Variants in ADGRL2 observed in about 807,000 individuals in gnomAD.
The protein encoded by ADGRL2 is calcium-independent alpha-latrotoxin receptor 2.
ADGRL2 carries 44 observed loss-of-function variants against 157.4 expected under a neutral mutation model. The ratio of observed to expected loss-of-function variants is 0.28; its 90% CI spans 0.22 to 0.36. The LOEUF (loss-of-function observed/expected upper bound fraction) is 0.36, where lower values mean the gene tolerates loss of function less well. Ranked by LOEUF, ADGRL2 falls within the 10% of genes least tolerant of loss-of-function variation. ADGRL2 has a pLI of 1.00. For missense variants in ADGRL2, 1,510 were observed against 1,768.9 expected (o/e 0.85, Z 2.63); for synonymous variants, 585 against 624.7 (o/e 0.94, Z 0.95).
chr1:81,432,265 A>G (rs2077335007), intron 1 of ADGRL2, among the ~76,000 whole-genome samples: 1 of 152,218 alleles, frequency 6.6e-6, no homozygotes, highest in Non-Finnish European at 1.5e-5. Context: ...ACTGGAAAGT[A>G]AACAATAGGG....
chr1:81,812,736 A>T (rs1162919086), intron 1 of ADGRL2, among the ~76,000 whole-genome samples: 1 of 151,816 alleles, frequency 6.6e-6, no homozygotes, highest in African/African-American at 2.4e-5. Flanking sequence ...GATGAGTTGC[A>T]TATGTGCTTT....
chr1:81,862,754 G>A (rs1252670564), intron 2 of ADGRL2, among the ~76,000 whole-genome samples: 1 of 152,030 alleles, frequency 6.6e-6, no homozygotes, highest in Non-Finnish European at 1.5e-5. Context: ...TACCACTTTC[G>A]CCTCTACCAG....
chr1:81,763,625 C>T (rs1406092244), intron 2 of ADGRL2, among the ~76,000 whole-genome samples: 2 of 151,476 alleles, frequency 1.3e-5, no homozygotes, highest in Non-Finnish European at 2.9e-5. Flanking sequence ...TGGCTCACGC[C>T]TGTAATCCCA....
intron 3 of ADGRL2, among the ~76,000 whole-genome samples, chr1:81,693,510 G>A (rs1459520735): frequency 1.3e-5 from 2 of 152,154 alleles, no homozygotes; most frequent in Admixed American, 1.3e-4. Context: ...TGACTTCCCT[G>A]TCTGTTTAAA....
chr1:81,462,320 T>C (rs1463114896), intron 2 of ADGRL2, among the ~76,000 whole-genome samples: 2 of 152,180 alleles, frequency 1.3e-5, no homozygotes, highest in East Asian at 3.8e-4. Context: ...CCCTTCTATG[T>C]TGTGGAAGGT....
chr1:81,359,490 A>G (rs756373523), intron 1 of ADGRL2, among the ~76,000 whole-genome samples: 4 of 152,034 alleles, frequency 2.6e-5, no homozygotes, highest in Non-Finnish European at 5.9e-5. Context: ...ACTACATATA[A>G]GTAATGCCAA....
intron 3 of ADGRL2, among the ~76,000 whole-genome samples, chr1:81,654,524 T>C (rs555476544): frequency 6.6e-6 from 1 of 152,300 alleles, no homozygotes; most frequent in East Asian, 1.9e-4. Flanking sequence ...TTAAGCTTCT[T>C]ATCACACCAC....
At chr1:81,983,144 A>G (rs3790876) in intron 19 of ADGRL2, among the ~76,000 whole-genome samples, 32,782 of 151,818 alleles carry the variant, frequency 0.22, 4,057 homozygotes, top group East Asian at 0.6. Context: ...GGAGTGAGGT[A>G]GTCATTATTT....
chr1:81,949,179 C>T (rs1369587504), intron 6 of ADGRL2, among the ~76,000 whole-genome samples: 1 of 152,070 alleles, frequency 6.6e-6, no homozygotes, highest in African/African-American at 2.4e-5. Context: ...GTTTTAAGAG[C>T]CAATAATCTG....
intron 2 of ADGRL2, among the ~76,000 whole-genome samples, chr1:81,851,002 T>C (rs182590327): frequency 4.7e-4 from 71 of 151,996 alleles, no homozygotes; most frequent in African/African-American, 1.7e-3. Flanking sequence ...AAATATATAC[T>C]TAATTTATAG....
At chr1:81,766,218 T>A (rs905591152) in intron 2 of ADGRL2, among the ~76,000 whole-genome samples, 3 of 152,180 alleles carry the variant, frequency 2.0e-5, no homozygotes, top group African/African-American at 7.2e-5. Context: ...TTTTTAATGG[T>A]CTTGCTTTTA....
At chr1:81,946,479 A>G (rs965152549) in intron 6 of ADGRL2, among the ~76,000 whole-genome samples, 1 of 151,442 alleles carries the variant, frequency 6.6e-6, no homozygotes, top group African/African-American at 2.4e-5. Context: ...AACACTTTCC[A>G]GTCCTGTTTT....
intron 3 of ADGRL2, among the ~76,000 whole-genome samples, chr1:81,676,261 G>A (rs2082987008): frequency 3.3e-5 from 5 of 151,934 alleles, no homozygotes; most frequent in South Asian, 4.2e-4. Flanking sequence ...TGCCCGCCTC[G>A]GCCTCCCAAA....
At position 81,983,065 on chromosome 1, in the gene ADGRL2, T is replaced by C. The variant is rs141650318; in HGVS notation, c.3282+1089T>C. On this transcript the variant is annotated intron_variant, in intron 19 of 23. Coordinates refer to ENST00000686636, the MANE Select transcript of ADGRL2 (RefSeq NM_001366006.2). ...TCCTACATAAGTGAGCATTTTATTA[T>C]TGTATGTTCATAATTTTTGTGCTGT... is the stretch of plus-strand genomic sequence containing the variant. 6.8e-3 allele frequency among the ~76,000 whole-genome samples: 828 copies of C among 121,970 alleles called. 11 individuals carry two copies. Among genetic ancestry groups the C allele is most frequent in the African/African-American group, 0.023 (779 of 33,650 alleles). The allele number at this position is 121,970 out of a possible 152,430, so 80.0% of individuals were successfully genotyped here.
chr1:81,358,793 C>A lies in ADGRL2; in HGVS notation c.-302+52284C>A, dbSNP rs910356942. Among the ~76,000 whole-genome samples the A allele has an allele frequency of 9.9e-4, 150 of 152,152 alleles. 1 individual carries two copies. Among genetic ancestry groups the A allele is most frequent in the African/African-American group, 3.3e-3 (139 of 41,528 alleles). On this transcript the variant is annotated intron_variant, in intron 1 of 24. Transcript: ENST00000370721. ...AAACAGATGAGTTATAATAGGAAAG[C>A]AAGATAGTAATTAATCAATTACACA...
intron 3 of ADGRL2, among the ~76,000 whole-genome samples, chr1:81,649,711 C>T (rs1038431408): frequency 2.0e-5 from 3 of 152,114 alleles, no homozygotes; most frequent in African/African-American, 7.2e-5. Context: ...GGAGCTTTAC[C>T]ATGGTTCCCA....
intron 1 of ADGRL2, among the ~76,000 whole-genome samples, chr1:81,390,248 G>A (rs1272433781): frequency 6.6e-6 from 1 of 152,408 alleles, no homozygotes; most frequent in African/African-American, 2.4e-5. Flanking sequence ...TGTAGCAAAC[G>A]TTTGAAACCC....
intron 1 of ADGRL2, among the ~76,000 whole-genome samples, chr1:81,752,412 C>T (rs1372631284): frequency 2.0e-5 from 3 of 152,198 alleles, no homozygotes; most frequent in African/African-American, 7.2e-5. Context: ...GCCATCTCCA[C>T]TCTTTAAAAC....
chr1:81,541,654 G>A (rs1415939030), intron 2 of ADGRL2, among the ~76,000 whole-genome samples: 1 of 152,058 alleles, frequency 6.6e-6, no homozygotes, highest in Non-Finnish European at 1.5e-5. Context: ...CACTGTATTA[G>A]AAATATCTTT....
Sources: gnomAD v4.1 joint callset for allele counts (sites outside exome capture counted in the v4.1 genomes callset) on GRCh38, gnomAD v4.1.1 for gene constraint, MANE v1.5 for transcripts, NCBI Gene and HGNC (gene_info 2026-07-23, HGNC 2026-07-21) for gene names.